EVC2: variants seen among roughly 807,000 people sequenced by gnomAD.
EVC2 encodes the protein EvC ciliary complex subunit 2, also known as limbin.
Under a neutral mutation model 149.3 loss-of-function variants are expected in EVC2, and 148 were observed. That is an observed-to-expected ratio of 0.99 (90% CI 0.87 to 1.14). The LOEUF (loss-of-function observed/expected upper bound fraction) is 1.14, where lower values mean the gene tolerates loss of function less well. EVC2 is among the 50% of genes most tolerant of loss of function. The pLI is 0.00. For synonymous variants in EVC2, 776 were observed against 649.9 expected (o/e 1.19, Z -2.95); for missense variants, 1,854 against 1,627.3 (o/e 1.14, Z -2.40).
intron 16 of EVC2, among the ~76,000 whole-genome samples, chr4:5,611,809 G>T (rs1204943607): frequency 1.3e-5 from 2 of 152,088 alleles, no homozygotes; most frequent in African/African-American, 4.8e-5. Context: ...AAATTATTAG[G>T]TGCCTTAAAG....
intron 20 of EVC2, among the ~76,000 whole-genome samples, chr4:5,566,246 G>C (rs1322551552): frequency 6.6e-6 from 1 of 152,226 alleles, no homozygotes; most frequent in Non-Finnish European, 1.5e-5. Flanking sequence ...GTCAAGTCAA[G>C]CCAATAAAGG....
chr4:5,627,049 G>A (rs1054455359), intron 12 of EVC2, among the ~76,000 whole-genome samples: 2 of 152,104 alleles, frequency 1.3e-5, no homozygotes, highest in Admixed American at 6.5e-5. Flanking sequence ...AACAGCAAAC[G>A]ATGCTGTCTA....
chr4:5,550,898 CTT>C lies in EVC2; in HGVS notation c.3420-7688_3420-7687del, dbSNP rs1721723597. On this transcript the variant is annotated intron_variant and NMD_transcript_variant, in intron 21 of 22. Transcript: ENST00000475313. ...GGCCAACATAGAGCTCAGGCTGTGG[CTT>C]CAGAGGATGCAAGCCCCAAGCCTTG... 2.0e-5 allele frequency among the ~76,000 whole-genome samples: 3 copies of C among 152,246 alleles called. No individual in the cohort carries two copies. The South Asian group carries it at 6.2e-4, about 32-fold the overall frequency.
chr4:5,693,543 G>A (rs913817160), intron 3 of EVC2, among the ~76,000 whole-genome samples: 4 of 152,228 alleles, frequency 2.6e-5, no homozygotes, highest in Admixed American at 6.5e-5. Context: ...CTCCCCTAGA[G>A]CCTGCAGAGG....
chr4:5,581,101 C>T (rs1172119712), intron 17 of EVC2, among the ~76,000 whole-genome samples: 1 of 152,210 alleles, frequency 6.6e-6, no homozygotes, highest in African/African-American at 2.4e-5. Context: ...CCTGTACAGC[C>T]TGCAGAATCA....
At position 5,686,661 on chromosome 4, in the gene EVC2, C is replaced by T. The variant is rs1439173719; in HGVS notation, c.707-1182G>A. The stretch of plus-strand genomic sequence containing the variant: ...CACCTGACCCTCTGGGTCCCATCAT[C>T]TTTTCCCCAAACAACACTGGCTCTA... On this transcript the variant is annotated intron_variant, in intron 5 of 21. Transcript: ENST00000344408. The surrounding 1 kb of genome is among the most constrained non-coding windows in gnomAD (Gnocchi z 5.4). 6.6e-6 allele frequency among the ~76,000 whole-genome samples: 1 copy of T among 152,196 alleles called. No individual in the cohort carries two copies. The highest frequency in any genetic ancestry group is 1.5e-5 in the Non-Finnish European group (1 of 68,040).
chr4:5,659,981 C>A (rs1185383492), intron 9 of EVC2, among the ~76,000 whole-genome samples: 1 of 152,212 alleles, frequency 6.6e-6, no homozygotes, highest in Non-Finnish European at 1.5e-5. Flanking sequence ...GCTCTGAAAT[C>A]ATTTGATAAT....
intron 16 of EVC2, among the ~76,000 whole-genome samples, chr4:5,599,801 A>G (rs1378639386): frequency 6.6e-6 from 1 of 152,204 alleles, no homozygotes; most frequent in Non-Finnish European, 1.5e-5. Context: ...GTTCTGCTGA[A>G]TGGGTTCAAG....
intron 21 of EVC2, among the ~76,000 whole-genome samples, chr4:5,543,691 G>T (rs935282357): frequency 1.3e-5 from 2 of 152,104 alleles, no homozygotes; most frequent in African/African-American, 4.8e-5. Flanking sequence ...TAGGGGTGGG[G>T]GATAATAGGG....
downstream of EVC2, among the ~76,000 whole-genome samples, chr4:5,559,988 T>C (rs1436702538): frequency 6.6e-6 from 1 of 152,106 alleles, no homozygotes; most frequent in East Asian, 1.9e-4. This position sits in a 1 kb window ranked among gnomAD's most constrained non-coding sequence, Gnocchi z 5.0. Context: ...AACTGACCCC[T>C]GCCAGGTTTG....
At chr4:5,592,367 A>C (rs958426620) in intron 16 of EVC2, among the ~76,000 whole-genome samples, 2 of 152,194 alleles carry the variant, frequency 1.3e-5, no homozygotes, top group Non-Finnish European at 2.9e-5. Context: ...TGGAGAATCT[A>C]GCGGTGCCAC....
Position 5,662,984 on chromosome 4 carries a change from A to G in EVC2, c.1145+123T>C, listed in dbSNP as rs1719000282. ...TTCAGTGCATAGCAGTTGTTGAATT[A>G]TGACTACAGAGTGACAAATGATTAA... On this transcript the variant is annotated intron_variant, in intron 9 of 21. Transcript: ENST00000344408. 4.5e-6 allele frequency: 6 copies of G among 1,330,596 alleles called. No homozygotes were observed. The South Asian group carries it at 6.1e-5, about 14-fold the overall frequency. The allele number at this position is 1,330,596 out of a possible 1,614,324, so 82.4% of individuals were successfully genotyped here. A position where few individuals can be genotyped will look rare whatever the true frequency, so the allele number is the denominator to read the frequency against.
chr4:5,539,378 C>T (rs756918242), downstream of EVC2, among the ~76,000 whole-genome samples: 10 of 152,120 alleles, frequency 6.6e-5, 1 homozygote, highest in Admixed American at 2.0e-4. Flanking sequence ...TCTATAGATT[C>T]GACACAATCT....
intron 4 of EVC2, 138 bp downstream of exon 4, chr4:5,691,127 T>G: frequency 1.4e-6 from 1 of 725,760 alleles, no homozygotes; most frequent in Non-Finnish European, 2.5e-6. Flanking sequence ...ACCTTGCTAT[T>G]TGTTCATTGC....
chr4:5,619,871 G>A (rs1303214319), intron 14 of EVC2, among the ~76,000 whole-genome samples: 1 of 152,206 alleles, frequency 6.6e-6, no homozygotes, highest in Non-Finnish European at 1.5e-5. Context: ...ATTAGCTGTA[G>A]ATGTGTTTGA....
intron 17 of EVC2, among the ~76,000 whole-genome samples, chr4:5,580,615 A>C (rs1711672434): frequency 6.6e-6 from 1 of 152,136 alleles, no homozygotes; most frequent in South Asian, 2.1e-4. Flanking sequence ...AACTCACTAA[A>C]TGACCTTGGA....
downstream of EVC2, among the ~76,000 whole-genome samples, chr4:5,561,629 GA>G (rs1721963487): frequency 6.6e-6 from 1 of 152,114 alleles, no homozygotes; most frequent in Non-Finnish European, 1.5e-5. Context: ...ATGGAAAAGG[GA>G]CATCCATGGC....
chr4:5,535,753 T>C, the EVC2 span, among the ~76,000 whole-genome samples: 1 of 152,014 alleles, frequency 6.6e-6, no homozygotes. The surrounding 1 kb of genome is among the most constrained non-coding windows in gnomAD (Gnocchi z 4.7). Flanking sequence ...CAAAATACCA[T>C]CGCATTAGGG....
At chr4:5,656,336 C>T (rs1221049121) in intron 9 of EVC2, among the ~76,000 whole-genome samples, 1 of 152,212 alleles carries the variant, frequency 6.6e-6, no homozygotes, top group Non-Finnish European at 1.5e-5. Context: ...CCCCTCCTTT[C>T]ACTTCTTCTC....
Sources: allele counts gnomAD v4.1 joint callset (sites outside exome capture counted in the v4.1 genomes callset), GRCh38; gene constraint gnomAD v4.1.1; non-coding constraint Gnocchi (gnomAD v3.1); transcripts MANE v1.5; gene names NCBI Gene and HGNC (gene_info 2026-07-23, HGNC 2026-07-21).